The following ZFAND3 variants were observed in gnomAD, a reference collection of about 807,000 sequenced individuals.
The protein encoded by ZFAND3 is AN1-type zinc finger protein 3.
ZFAND3 carries 10 observed loss-of-function variants against 29.6 expected under a neutral mutation model. That is an observed-to-expected ratio of 0.34 (90% CI 0.21 to 0.57). ZFAND3 has a LOEUF of 0.57. Ranked by LOEUF, ZFAND3 falls within the 20% of genes least tolerant of loss-of-function variation. The pLI, the probability that ZFAND3 is intolerant of heterozygous loss-of-function variation, is 0.86. For missense variants in ZFAND3, 230 were observed against 304.5 expected, an observed-to-expected ratio of 0.76 and a Z score of 1.82; for synonymous variants, 128 against 112.6, an observed-to-expected ratio of 1.14 and a Z score of -0.87.
At chr6:37,996,292 G>C (rs960966657) in intron 2 of ZFAND3, among the ~76,000 whole-genome samples, 1 of 152,070 alleles carries the variant, frequency 6.6e-6, no homozygotes, top group Non-Finnish European at 1.5e-5. Context: ...TTTCTCTTCA[G>C]CATTATTATC....
intron 1 of ZFAND3, among the ~76,000 whole-genome samples, chr6:37,853,413 A>G (rs551679357): frequency 0.09 from 9,361 of 104,340 alleles, 294 homozygotes; most frequent in African/African-American, 0.13. Context: ...GAGCCTCAAG[A>G]AAAAAAAAAA....
At chr6:38,101,772 CAAAAAAAAAAAAAAA>C (rs57491627) in intron 4 of ZFAND3, among the ~76,000 whole-genome samples, 9 of 42,718 alleles carry the variant, frequency 2.1e-4, no homozygotes, top group Non-Finnish European at 4.0e-4. Context: ...GACTCCCTCT[CAAAAAAAAAAAAAAA>C]AAAAAAAAAA....
intron 2 of ZFAND3, among the ~76,000 whole-genome samples, chr6:37,940,243 C>T (rs1268567149): frequency 6.6e-6 from 1 of 152,170 alleles, no homozygotes; most frequent in South Asian, 2.1e-4. Context: ...GCTTTGGCTC[C>T]ACCAAGTTTC....
At chr6:38,123,066 T>G (rs1269708408) in intron 5 of ZFAND3, among the ~76,000 whole-genome samples, 1 of 152,226 alleles carries the variant, frequency 6.6e-6, no homozygotes, top group Non-Finnish European at 1.5e-5. Flanking sequence ...TAGTTTTGAA[T>G]ACAGTCAACA....
At chr6:37,831,942 A>G (rs1262798213) in intron 1 of ZFAND3, among the ~76,000 whole-genome samples, 1 of 152,222 alleles carries the variant, frequency 6.6e-6, no homozygotes, top group East Asian at 1.9e-4. Context: ...ATAACAGATG[A>G]TATTTATAAT....
intron 2 of ZFAND3, among the ~76,000 whole-genome samples, chr6:37,977,340 C>T (rs778749043): frequency 2.6e-4 from 40 of 152,254 alleles, no homozygotes; most frequent in Non-Finnish European, 4.7e-4. Context: ...CTCGCTCTGT[C>T]GCCCAGGCTG....
intron 2 of ZFAND3, among the ~76,000 whole-genome samples, chr6:38,005,928 C>G (rs1447063038): frequency 6.6e-6 from 1 of 152,156 alleles, no homozygotes; most frequent in Admixed American, 6.5e-5. Flanking sequence ...TGGTCCTTCT[C>G]TTTTAAAAGT....
At chr6:37,975,453 G>A (rs6926437) in intron 2 of ZFAND3, among the ~76,000 whole-genome samples, 1,722 of 152,130 alleles carry the variant, frequency 0.011, 31 homozygotes, top group African/African-American at 0.04. Flanking sequence ...TTGAAGAGAA[G>A]TTTTTCATTT....
At chr6:38,090,432 A>G (rs1561995192) in intron 4 of ZFAND3, among the ~76,000 whole-genome samples, 1 of 152,228 alleles carries the variant, frequency 6.6e-6, no homozygotes. Context: ...TAAATGTTTT[A>G]CCTTATGCAC....
intron 3 of ZFAND3, among the ~76,000 whole-genome samples, chr6:38,079,729 C>T (rs1044889192): frequency 6.6e-6 from 1 of 152,034 alleles, no homozygotes; most frequent in East Asian, 1.9e-4. Flanking sequence ...GGCCAGATAC[C>T]GAGTTAGGGG....
chr6:37,994,199 G>A (rs1320238355), intron 2 of ZFAND3, among the ~76,000 whole-genome samples: 3 of 152,164 alleles, frequency 2.0e-5, no homozygotes, highest in Non-Finnish European at 4.4e-5. Context: ...TCCTGAAGAT[G>A]ATGGAGTCAC....
rs1766261319 is a variant in ZFAND3, at chr6:38,152,862, ATGGCCACGTGTGCC to A, written c.*475_*488del. On this transcript the variant is annotated 3_prime_UTR_variant, in exon 6 of 6. Transcript: ENST00000287218. Reference sequence around the variant, plus strand: ...TTAGTCCCAGTAGCCAGGATACCTGATGGCCACGTGTGCCTTGGCCACGGGAGGCTGCTGAGATT... The same window carrying A: ...TTAGTCCCAGTAGCCAGGATACCTGATTGGCCACGGGAGGCTGCTGAGATT... 1.0e-6 allele frequency: 1 copy of A among 985,886 alleles called. No homozygotes were observed. The highest frequency in any genetic ancestry group is 4.7e-5 in the South Asian group (1 of 21,294). The allele number at this position is 985,886 out of a possible 1,614,324, so 61.1% of individuals were successfully genotyped here. A position where few individuals can be genotyped will look rare whatever the true frequency, so the allele number is the denominator to read the frequency against.
chr6:37,939,624 A>G (rs1269953064), intron 2 of ZFAND3, among the ~76,000 whole-genome samples: 6 of 152,190 alleles, frequency 3.9e-5, no homozygotes, highest in East Asian at 1.9e-4. Context: ...TGTGCACTCA[A>G]ATTTTATGCT....
intron 2 of ZFAND3, among the ~76,000 whole-genome samples, chr6:38,031,657 T>G (rs1275275030): frequency 6.6e-6 from 1 of 152,248 alleles, no homozygotes; most frequent in Non-Finnish European, 1.5e-5. Context: ...GAGCCTTAGC[T>G]TCTCCAATTG....
At chr6:38,142,905 A>T (rs76538269) in intron 5 of ZFAND3, 1 of 154,310 alleles carries the variant, frequency 6.5e-6, no homozygotes, top group African/African-American at 2.4e-5. Context: ...GTTCATCTCC[A>T]GATAAAACAG....
At chr6:37,941,744 A>G (rs1393870999) in intron 2 of ZFAND3, among the ~76,000 whole-genome samples, 3 of 152,122 alleles carry the variant, frequency 2.0e-5, no homozygotes, top group East Asian at 1.9e-4. Context: ...AGACTGTGCA[A>G]CCTGCAGATT....
intron 5 of ZFAND3, among the ~76,000 whole-genome samples, chr6:38,141,430 G>A (rs1443827580): frequency 6.6e-6 from 1 of 152,188 alleles, no homozygotes; most frequent in Non-Finnish European, 1.5e-5. Flanking sequence ...CCTCTCTGAT[G>A]TCCTTGGAAA....
intron 2 of ZFAND3, among the ~76,000 whole-genome samples, chr6:38,017,730 T>G (rs1261318173): frequency 6.6e-6 from 1 of 152,164 alleles, no homozygotes; most frequent in East Asian, 1.9e-4. Context: ...TATTTCTAGA[T>G]GTATATTTCA....
chr6:38,151,821 C>T (rs1766232584), intron 5 of ZFAND3, among the ~76,000 whole-genome samples: 1 of 152,106 alleles, frequency 6.6e-6, no homozygotes, highest in Non-Finnish European at 1.5e-5. Context: ...AATCATTTCT[C>T]CTGCCTCCTA....
Sources: gnomAD v4.1 joint callset for allele counts (sites outside exome capture counted in the v4.1 genomes callset) on GRCh38, gnomAD v4.1.1 for gene constraint, MANE v1.5 for transcripts, NCBI Gene and HGNC (gene_info 2026-07-23, HGNC 2026-07-21) for gene names.